RPS6KA2: variants seen among roughly 807,000 people sequenced by gnomAD.
RPS6KA2 encodes ribosomal protein S6 kinase A2.
In RPS6KA2, 42 loss-of-function variants were observed where a neutral mutation model predicts 91.8. The ratio of observed to expected loss-of-function variants is 0.46; its 90% CI spans 0.36 to 0.59. The LOEUF is 0.59. Ranked by LOEUF, RPS6KA2 falls within the 20% of genes least tolerant of loss-of-function variation. The pLI is 0.00. For missense variants in RPS6KA2, 798 were observed against 978.5 expected (o/e 0.82, Z 2.46); for synonymous variants, 414 against 393.6 (o/e 1.05, Z -0.61).
rs148232244 is a variant in RPS6KA2, at chr6:166,795,905, T to C, written c.123+62295A>G. ...CCAGGCAGTGGGCTGAGTTGTGTCC[T>C]CTGGACCAATAGTCAAGGATAAGGG... is the stretch of plus-strand genomic sequence containing the variant. On this transcript the variant is annotated intron_variant, in intron 2 of 21. Coordinates refer to the RPS6KA2 transcript ENST00000503859. Among the ~76,000 whole-genome samples, 240 of 152,348 alleles carry C rather than the reference T, an allele frequency of 1.6e-3. 1 individual carries two copies. The highest frequency in any genetic ancestry group is 5.5e-3 in the African/African-American group (230 of 41,592).
At chr6:166,568,119 C>T (rs1290485857) in intron 1 of RPS6KA2, among the ~76,000 whole-genome samples, 1 of 152,178 alleles carries the variant, frequency 6.6e-6, no homozygotes, top group East Asian at 1.9e-4. Context: ...GGATGCCCAC[C>T]ACAGGCCTCA....
Position 166,419,858 on chromosome 6 carries a change from C to A in RPS6KA2, c.1820+24G>T, listed in dbSNP as rs1778661695. 1.2e-6 allele frequency: 2 copies of A among 1,604,962 alleles called. No homozygotes were observed. The highest frequency in any genetic ancestry group is 1.7e-5 in the Admixed American group (1 of 59,960). Reference sequence around the variant, plus strand: ...GCTGCTGCCCTGTGTCTCCTCCTGACACCTGTTTGAGGTGACTGCTTACCC... The same window carrying A: ...GCTGCTGCCCTGTGTCTCCTCCTGAAACCTGTTTGAGGTGACTGCTTACCC... On this transcript the variant is annotated intron_variant, in intron 18 of 20. Transcript: ENST00000265678. The surrounding 1 kb of genome is among the most constrained non-coding windows in gnomAD (Gnocchi z 5.6).
chr6:166,667,172 G>C (rs1788340080), intron 2 of RPS6KA2, among the ~76,000 whole-genome samples: 1 of 152,232 alleles, frequency 6.6e-6, no homozygotes, highest in East Asian at 1.9e-4. Flanking sequence ...AAAGATGGTG[G>C]TGATGGTTGC....
chr6:166,464,279 G>A (rs1780438302), intron 11 of RPS6KA2, among the ~76,000 whole-genome samples: 1 of 152,096 alleles, frequency 6.6e-6, no homozygotes. Context: ...ATCACCGAGC[G>A]ACCTCAAGCT....
chr6:166,560,829 C>T (rs773221349), intron 1 of RPS6KA2, among the ~76,000 whole-genome samples: 23 of 152,242 alleles, frequency 1.5e-4, no homozygotes, highest in Non-Finnish European at 2.9e-4. Flanking sequence ...TCTTCCCTAA[C>T]GCTTCCCCAA....
intron 2 of RPS6KA2, among the ~76,000 whole-genome samples, chr6:166,696,532 C>G (rs957452110): frequency 6.6e-6 from 1 of 152,148 alleles, no homozygotes; most frequent in East Asian, 1.9e-4. Context: ...AGTTCCTCCC[C>G]CATTTTTCCT....
chr6:166,813,837 A>C lies in RPS6KA2; in HGVS notation c.123+44363T>G, dbSNP rs193084295. ...AAATAGGTCAAAATTGTAACTGGAT[A>C]TAAAATACATAATGGGGTGATGATA... On this transcript the variant is annotated intron_variant, in intron 2 of 21. Transcript: ENST00000503859. Among the ~76,000 whole-genome samples, 201 of 152,354 alleles carry C rather than the reference A, an allele frequency of 1.3e-3. 1 individual carries two copies. Among genetic ancestry groups the C allele is most frequent in the Non-Finnish European group, 2.2e-3 (147 of 68,034 alleles).
At chr6:166,506,552 G>A (rs575350634) in intron 5 of RPS6KA2, among the ~76,000 whole-genome samples, 1 of 152,304 alleles carries the variant, frequency 6.6e-6, no homozygotes, top group South Asian at 2.1e-4. Context: ...AGTTCCCAAA[G>A]GCCTTTGTGT....
At chr6:166,568,682 C>T (rs1305894754) in intron 1 of RPS6KA2, among the ~76,000 whole-genome samples, 1 of 131,648 alleles carries the variant, frequency 7.6e-6, no homozygotes, top group Admixed American at 7.8e-5. Context: ...TTACTGGCTA[C>T]CATGTTTTGG....
chr6:166,486,960 C>A (rs1211119749), intron 10 of RPS6KA2, among the ~76,000 whole-genome samples: 1 of 152,136 alleles, frequency 6.6e-6, no homozygotes, highest in Admixed American at 6.5e-5. Context: ...GAGCCGTGGC[C>A]GAGACACCGT....
intron 2 of RPS6KA2, among the ~76,000 whole-genome samples, chr6:166,669,359 C>T (rs750773903): frequency 9.2e-5 from 14 of 152,292 alleles, no homozygotes; most frequent in Admixed American, 2.6e-4. Context: ...CCCATCTGCT[C>T]CCCCAGGCCA....
intron 2 of RPS6KA2, among the ~76,000 whole-genome samples, chr6:166,829,987 G>A (rs188101413): frequency 1.7e-3 from 264 of 151,736 alleles, no homozygotes; most frequent in African/African-American, 5.9e-3. Context: ...CTATCTGGGC[G>A]TAGTGGTGGG....
At chr6:166,694,655 C>T (rs1467473996) in intron 2 of RPS6KA2, among the ~76,000 whole-genome samples, 1 of 152,206 alleles carries the variant, frequency 6.6e-6, no homozygotes. Context: ...GGTGAGAACC[C>T]TTTACCTTCC....
chr6:166,690,298 C>T (rs972540884), intron 2 of RPS6KA2, among the ~76,000 whole-genome samples: 1 of 152,184 alleles, frequency 6.6e-6, no homozygotes, highest in African/African-American at 2.4e-5. Context: ...TTGAGGGCCA[C>T]CACTGAGACC....
intron 5 of RPS6KA2, among the ~76,000 whole-genome samples, chr6:166,506,334 C>T (rs112973314): frequency 1.5e-3 from 221 of 152,308 alleles, no homozygotes; most frequent in African/African-American, 5.0e-3. Flanking sequence ...TTGCTGATTA[C>T]TGTTGTCTTT....
intron 2 of RPS6KA2, among the ~76,000 whole-genome samples, chr6:166,537,147 C>T (rs1783506399): frequency 6.6e-6 from 1 of 152,276 alleles, no homozygotes; most frequent in Non-Finnish European, 1.5e-5. Context: ...TTCCAGCGCT[C>T]CTTCCCTCCA....
chr6:166,464,469 G>A (rs1229561482), intron 11 of RPS6KA2, among the ~76,000 whole-genome samples: 1 of 152,136 alleles, frequency 6.6e-6, no homozygotes, highest in Non-Finnish European at 1.5e-5. Context: ...AAGGGTCTAG[G>A]CCCTGGACAG....
At chr6:166,783,306 C>T (rs976715279) in intron 2 of RPS6KA2, among the ~76,000 whole-genome samples, 10 of 151,904 alleles carry the variant, frequency 6.6e-5, no homozygotes, top group Non-Finnish European at 1.2e-4. Flanking sequence ...GAGTGGGCCT[C>T]GTCGAATCAG....
intron 1 of RPS6KA2, among the ~76,000 whole-genome samples, chr6:166,861,794 G>A (rs1781052428): frequency 6.6e-6 from 1 of 152,186 alleles, no homozygotes; most frequent in African/African-American, 2.4e-5. Flanking sequence ...GTTTGGAAAC[G>A]GGAATACTTT....
Sources: gnomAD v4.1 joint callset for allele counts (sites outside exome capture counted in the v4.1 genomes callset) on GRCh38, gnomAD v4.1.1 for gene constraint, Gnocchi (gnomAD v3.1) non-coding constraint, MANE v1.5 for transcripts, NCBI Gene and HGNC (gene_info 2026-07-23, HGNC 2026-07-21) for gene names.